The following TENM4 variants were observed in gnomAD, a reference collection of about 807,000 sequenced individuals.
TENM4 encodes teneurin transmembrane protein 4.
A neutral mutation model predicts 243.3 loss-of-function variants in TENM4; 82 were observed. The observed-to-expected ratio is 0.34, with a 90% CI of 0.28 to 0.40. The LOEUF is 0.40. Ranked by LOEUF, TENM4 falls within the 10% of genes least tolerant of loss-of-function variation. The pLI, the probability that TENM4 is intolerant of heterozygous loss-of-function variation, is 1.00. For synonymous variants in TENM4, 1,412 were observed against 1,456.3 expected (o/e 0.97, Z 0.69); for missense variants, 3,138 against 3,673.3 (o/e 0.85, Z 3.77).
At chr11:79,238,668 C>T (rs929414873) in intron 2 of TENM4, among the ~76,000 whole-genome samples, 2 of 145,382 alleles carry the variant, frequency 1.4e-5, no homozygotes, top group African/African-American at 5.4e-5. Context: ...ATCTCTTTCT[C>T]TCTCTCTCTC....
chr11:78,770,068 C>G (rs1313357476), intron 18 of TENM4, among the ~76,000 whole-genome samples: 1 of 152,206 alleles, frequency 6.6e-6, no homozygotes, highest in Non-Finnish European at 1.5e-5. Context: ...TGGGACTAAG[C>G]CAATTGTTAG....
At chr11:78,861,412 G>A (rs1277468341) in intron 10 of TENM4, among the ~76,000 whole-genome samples, 2 of 152,232 alleles carry the variant, frequency 1.3e-5, no homozygotes, top group African/African-American at 4.8e-5. Context: ...AGCTGGAATT[G>A]AACTCAGGGC....
chr11:78,765,149 T>G (rs1010586373), intron 18 of TENM4, among the ~76,000 whole-genome samples: 1 of 152,214 alleles, frequency 6.6e-6, no homozygotes, highest in African/African-American at 2.4e-5. Context: ...TGTTTTACAA[T>G]AGTATCTGAG....
At chr11:79,360,683 G>A (rs561731853) in intron 1 of TENM4, among the ~76,000 whole-genome samples, 6 of 152,274 alleles carry the variant, frequency 3.9e-5, no homozygotes, top group South Asian at 2.1e-4. Context: ...ATTTTTAGCC[G>A]TGTGAATTAC....
chr11:79,068,465 G>A (rs897708010), intron 5 of TENM4: 7 of 152,254 alleles, frequency 4.6e-5, no homozygotes, highest in Non-Finnish European at 1.0e-4. Context: ...GCCTGTGGGA[G>A]AGAATGGAAA....
At chr11:78,855,805 T>G (rs562398514) in intron 11 of TENM4, among the ~76,000 whole-genome samples, 159 bp downstream of exon 11, 1 of 152,334 alleles carries the variant, frequency 6.6e-6, no homozygotes, top group East Asian at 1.9e-4. Flanking sequence ...CTTACTCATC[T>G]GAAAGGGTGG....
At chr11:79,426,364 C>T (rs1859049869) in intron 1 of TENM4, among the ~76,000 whole-genome samples, 1 of 152,116 alleles carries the variant, frequency 6.6e-6, no homozygotes, top group Admixed American at 6.5e-5. Context: ...ACCCTGGCTC[C>T]CTGACTCACT....
chr11:79,058,054 G>C (rs904259590), intron 6 of TENM4, among the ~76,000 whole-genome samples: 1 of 152,144 alleles, frequency 6.6e-6, no homozygotes, highest in African/African-American at 2.4e-5. Flanking sequence ...TTTGAGAGTG[G>C]CCCAGTATGA....
chr11:79,265,129 T>A (rs898412133), intron 2 of TENM4, among the ~76,000 whole-genome samples: 2 of 152,204 alleles, frequency 1.3e-5, no homozygotes, highest in Admixed American at 1.3e-4. Context: ...CCGGACAAAC[T>A]GACAGATCTC....
At position 79,035,131 on chromosome 11, in the gene TENM4, G is replaced by C. The variant is rs147506614; in HGVS notation, c.493+29607C>G. Among the ~76,000 whole-genome samples the C allele has an allele frequency of 1.4e-3, 212 of 152,252 alleles. 1 individual carries two copies. The highest frequency in any genetic ancestry group is 4.8e-3 in the African/African-American group (201 of 41,544). ...CTGCTGTTCTGAGCCAAGCAGTGCA[G>C]AGGACAGTCACAAGATGAGGTCTGA... On this transcript the variant is annotated intron_variant, in intron 6 of 33. Coordinates refer to ENST00000278550, the MANE Select transcript of TENM4 (RefSeq NM_001098816.3).
intron 30 of TENM4, among the ~76,000 whole-genome samples, chr11:78,675,066 C>T (rs369193386): frequency 4.9e-4 from 75 of 151,966 alleles, no homozygotes; most frequent in Non-Finnish European, 8.1e-4. Context: ...GAAGTTTCAC[C>T]GTGTTGGCCA....
intron 6 of TENM4, among the ~76,000 whole-genome samples, chr11:78,998,138 C>A (rs1858223967): frequency 6.6e-6 from 1 of 152,152 alleles, no homozygotes; most frequent in Admixed American, 6.5e-5. Context: ...GTTATAGCAC[C>A]CCAAGCTGAC....
At position 78,694,207 on chromosome 11, in the gene TENM4, G is replaced by A. The variant is rs768396548; in HGVS notation, c.5088-5981C>T. Among the ~76,000 whole-genome samples, 19 of 152,026 alleles carry A rather than the reference G, an allele frequency of 1.2e-4. 1 individual carries two copies. The highest frequency in any genetic ancestry group is 3.9e-4 in the African/African-American group (16 of 41,392). Reference sequence around the variant, plus strand: ...AAACTTTTGCTGATCTTAACTTTTCGGTTAAAAAATAAGATTTGATTTGTA... The same window carrying A: ...AAACTTTTGCTGATCTTAACTTTTCAGTTAAAAAATAAGATTTGATTTGTA... On this transcript the variant is annotated intron_variant, in intron 28 of 33. Transcript: ENST00000278550.
chr11:79,184,520 C>T (rs141365589), intron 3 of TENM4, among the ~76,000 whole-genome samples: 156 of 115,524 alleles, frequency 1.4e-3, no homozygotes, highest in Non-Finnish European at 1.8e-3. Flanking sequence ...CTTACTGGTA[C>T]TGGTCCATGG....
chr11:79,330,816 C>G (rs973525602), intron 1 of TENM4, among the ~76,000 whole-genome samples: 1 of 152,182 alleles, frequency 6.6e-6, no homozygotes, highest in Non-Finnish European at 1.5e-5. Context: ...TCAAACAGCC[C>G]CAGTGTCAGA....
chr11:78,889,325 C>A (rs1414155396), intron 9 of TENM4, among the ~76,000 whole-genome samples: 1 of 152,200 alleles, frequency 6.6e-6, no homozygotes, highest in African/African-American at 2.4e-5. Flanking sequence ...TGCTTTCCTG[C>A]CAGTTTCCCT....
intron 2 of TENM4, among the ~76,000 whole-genome samples, chr11:79,234,856 T>C (rs1864434536): frequency 6.6e-6 from 1 of 152,164 alleles, no homozygotes; most frequent in Non-Finnish European, 1.5e-5. Context: ...AGTGAGCCTT[T>C]TCCCTGGATG....
At chr11:79,271,761 G>A (rs920262676) in intron 2 of TENM4, among the ~76,000 whole-genome samples, 6 of 152,358 alleles carry the variant, frequency 3.9e-5, no homozygotes, top group East Asian at 3.9e-4. Context: ...GGTGGCAGTA[G>A]AGGAAGTGGT....
At chr11:78,762,225 G>C (rs1253162576) in intron 18 of TENM4, among the ~76,000 whole-genome samples, 2 of 152,150 alleles carry the variant, frequency 1.3e-5, no homozygotes, top group Non-Finnish European at 2.9e-5. Flanking sequence ...CACTTAGCAC[G>C]ATAACTAGCA....
Sources: gnomAD v4.1 joint callset for allele counts (sites outside exome capture counted in the v4.1 genomes callset) on GRCh38, gnomAD v4.1.1 for gene constraint, MANE v1.5 for transcripts, NCBI Gene and HGNC (gene_info 2026-07-23, HGNC 2026-07-21) for gene names.